Variants in CLGN observed in about 807,000 individuals in gnomAD.
The protein encoded by CLGN is testis tissue sperm-binding protein Li 79P.
A neutral mutation model predicts 79.1 loss-of-function variants in CLGN; 62 were observed. That is an observed-to-expected ratio of 0.78 (90% CI 0.64 to 0.97). CLGN has a LOEUF of 0.97. CLGN is among the 50% of genes least tolerant of loss of function. The pLI, the probability that CLGN is intolerant of heterozygous loss-of-function variation, is 0.00. For synonymous variants in CLGN, 225 were observed against 224.7 expected (o/e 1.00, Z -0.01); for missense variants, 647 against 715.5 (o/e 0.90, Z 1.09).
At position 140,390,680 on chromosome 4, in the gene CLGN, A is replaced by G. The variant is rs1359794193; in HGVS notation, c.1700T>C (p.Ile567Thr). The G allele has an allele frequency of 1.2e-6, 2 of 1,605,682 alleles. No homozygotes were observed. Among genetic ancestry groups the G allele is most frequent in the Admixed American group, 3.4e-5 (2 of 59,452 alleles). Residue 567 changes from isoleucine to threonine, a missense_variant, in exon 14 of 15, where the codon ATA becomes ACA. By Grantham distance (89) the Ile-to-Thr change is moderately conservative. Coordinates refer to ENST00000325617, the MANE Select transcript of CLGN (RefSeq NM_004362.3). Reference protein sequence around the residue: ...EEKSEEEIEIIEGQEESNQSN... With the variant: ...EEKSEEEIEITEGQEESNQSN... The stretch of plus-strand genomic sequence containing the variant: ...TTGATTACTTTCTTCTTGCCCTTCT[A>G]TGATTTCAATTTCTTCTTCACTCTT...
intron 1 of CLGN, among the ~76,000 whole-genome samples, chr4:140,417,705 C>T (rs1296867386): frequency 1.3e-5 from 2 of 151,758 alleles, no homozygotes; most frequent in Non-Finnish European, 2.9e-5. Context: ...TAAAAGAGGA[C>T]ACAAACAAAT....
intron 11 of CLGN, among the ~76,000 whole-genome samples, chr4:140,393,560 A>T (rs1263288751): frequency 1.3e-5 from 2 of 152,144 alleles, no homozygotes; most frequent in Non-Finnish European, 2.9e-5. Flanking sequence ...TTCTTCTATG[A>T]ACAGTAAATA....
At chr4:140,390,100 A>G (rs1279748542) in intron 14 of CLGN, among the ~76,000 whole-genome samples, 1 of 151,804 alleles carries the variant, frequency 6.6e-6, no homozygotes, top group Non-Finnish European at 1.5e-5. Flanking sequence ...AGCATTGTGC[A>G]AAGTTCCATT....
Position 140,400,362 on chromosome 4 carries a change from G to A in CLGN, c.689C>T (p.Thr230Ile). 6.2e-7 allele frequency: 1 copy of A among 1,600,920 alleles called. No homozygotes were observed. The highest frequency in any genetic ancestry group is 8.5e-7 in the Non-Finnish European group (1 of 1,170,666). Residue 230 changes from threonine to isoleucine, a missense_variant, in exon 7 of 15, where the codon ACC becomes ATC. Physicochemically the swap from Thr to Ile is moderately conservative, Grantham distance 89 (BLOSUM62 -1). Transcript: ENST00000325617. ...AATGAATTAAAAGGGTATACCAAGG[G>A]TATAAAGATGAGTCTTCCTGTCTGT... ...FFTDRKTHLYTLVMNPDDTFE... is the reference protein window; with the variant it reads ...FFTDRKTHLYILVMNPDDTFE...
intron 1 of CLGN, among the ~76,000 whole-genome samples, chr4:140,419,779 C>G (rs1455866249): frequency 6.6e-6 from 1 of 152,060 alleles, no homozygotes; most frequent in Non-Finnish European, 1.5e-5. Context: ...TTTGATCTCT[C>G]TAAATCACAA....
At chr4:140,418,383 A>T (rs2126632990) in intron 1 of CLGN, among the ~76,000 whole-genome samples, 1 of 148,740 alleles carries the variant, frequency 6.7e-6, no homozygotes, top group African/African-American at 2.5e-5. Flanking sequence ...GCTTCTGCAC[A>T]GCAAAAGAAA....
At chr4:140,399,181 A>G in intron 7 of CLGN, 141 bp from the exon 8 acceptor site, 2 of 601,898 alleles carry the variant, frequency 3.3e-6, no homozygotes, top group Non-Finnish European at 5.2e-6. Context: ...CAATGTATTG[A>G]ACTAAAACAT....
At chr4:140,394,952 T>G (rs1329838154) in intron 10 of CLGN, among the ~76,000 whole-genome samples, 1 of 152,084 alleles carries the variant, frequency 6.6e-6, no homozygotes, top group African/African-American at 2.4e-5. Flanking sequence ...GAGGCCAAGG[T>G]GGGCGGATCA....
At chr4:140,397,713 G>A (rs1397909640) in intron 8 of CLGN, among the ~76,000 whole-genome samples, 1 of 152,054 alleles carries the variant, frequency 6.6e-6, no homozygotes, top group African/African-American at 2.4e-5. Flanking sequence ...AGACCAGCCT[G>A]ACCAACATGG....
At chr4:140,403,167 GTACTT>G (rs1016041680) in intron 5 of CLGN, among the ~76,000 whole-genome samples, 1 of 152,154 alleles carries the variant, frequency 6.6e-6, no homozygotes, top group African/African-American at 2.4e-5. Context: ...CCACAAGCAT[GTACTT>G]TAAAGTCAAA....
chr4:140,391,280 G>A (rs556219102), intron 13 of CLGN, among the ~76,000 whole-genome samples: 1 of 151,780 alleles, frequency 6.6e-6, no homozygotes, highest in Admixed American at 6.6e-5. Context: ...CTTCTTCTAC[G>A]TAGTTCCAAT....
intron 1 of CLGN, among the ~76,000 whole-genome samples, chr4:140,420,995 A>G (rs768177461): frequency 6.6e-5 from 10 of 152,026 alleles, no homozygotes; most frequent in Non-Finnish European, 1.3e-4. Context: ...CATCTTTCTA[A>G]TATCTATCTC....
At chr4:140,408,290 A>G (rs1729145630) in intron 4 of CLGN, among the ~76,000 whole-genome samples, 2 of 152,142 alleles carry the variant, frequency 1.3e-5, no homozygotes, top group Middle Eastern at 3.4e-3. Context: ...ATGACCAAGA[A>G]CCCAAAAGCA....
At chr4:140,400,019 G>C (rs1401703916) in intron 7 of CLGN, among the ~76,000 whole-genome samples, 1 of 151,922 alleles carries the variant, frequency 6.6e-6, no homozygotes, top group African/African-American at 2.4e-5. Context: ...TGTTCTTACA[G>C]CACCACTGTC....
intron 6 of CLGN, among the ~76,000 whole-genome samples, chr4:140,400,761 C>T (rs540584094): frequency 1.7e-4 from 26 of 152,140 alleles, no homozygotes; most frequent in East Asian, 1.5e-3. Flanking sequence ...TACTTCCTGA[C>T]GATGTGGGAC....
intron 1 of CLGN, among the ~76,000 whole-genome samples, chr4:140,425,113 A>G (rs1729536529): frequency 6.6e-6 from 1 of 152,198 alleles, no homozygotes; most frequent in Non-Finnish European, 1.5e-5. Context: ...TATGTGTTGT[A>G]TAGTGTGGGA....
At chr4:140,399,934 C>T (rs755210457) in intron 7 of CLGN, among the ~76,000 whole-genome samples, 1 of 152,198 alleles carries the variant, frequency 6.6e-6, no homozygotes, top group Non-Finnish European at 1.5e-5. Flanking sequence ...ACTTTTTAGT[C>T]TGGCATTAAG....
chr4:140,412,337 G>T (rs1033633415), intron 2 of CLGN, among the ~76,000 whole-genome samples: 12 of 152,052 alleles, frequency 7.9e-5, no homozygotes, highest in African/African-American at 2.2e-4. Context: ...TTATCACAAG[G>T]TTAGATATGA....
chr4:140,395,194 G>A (rs985879350), intron 10 of CLGN, among the ~76,000 whole-genome samples: 24 of 151,100 alleles, frequency 1.6e-4, no homozygotes, highest in African/African-American at 3.9e-4. Flanking sequence ...GTCGCCAGGC[G>A]GGAGTGCAGT....
Sources: gnomAD v4.1 joint callset for allele counts (sites outside exome capture counted in the v4.1 genomes callset) on GRCh38, gnomAD v4.1.1 for gene constraint, MANE v1.5 for transcripts, NCBI Gene and HGNC (gene_info 2026-07-23, HGNC 2026-07-21) for gene names.